The following ACLY variants were observed in gnomAD, a reference collection of about 807,000 sequenced individuals.
ACLY encodes ATP citrate lyase, also known as ATP-citrate synthase.
A neutral mutation model predicts 133.0 loss-of-function variants in ACLY; 41 were observed. The ratio of observed to expected loss-of-function variants is 0.31; its 90% confidence interval spans 0.24 to 0.40. The LOEUF is 0.40. Among genes scored for constraint, ACLY ranks in the 10% least tolerant of loss-of-function variants. The probability of loss-of-function intolerance (pLI) is 1.00; values close to 1 mark genes in which losing one functional copy is unlikely to be tolerated. For missense variants in ACLY, 1,046 were observed against 1,453.8 expected, an observed-to-expected ratio of 0.72 and a Z score of 4.56; for synonymous variants, 495 against 549.3, an observed-to-expected ratio of 0.90 and a Z score of 1.38.
chr17:41,911,015 C>A (rs1567912578), intron 3 of ACLY, among the ~76,000 whole-genome samples: 1 of 152,212 alleles, frequency 6.6e-6, no homozygotes, highest in African/African-American at 2.4e-5. Flanking sequence ...GCAGGATGTG[C>A]TCCCTGGGGA....
chr17:41,928,771 T>A (rs1197635813), intron 1 of ACLY, among the ~76,000 whole-genome samples: 2 of 150,524 alleles, frequency 1.3e-5, no homozygotes, highest in Non-Finnish European at 2.9e-5. Flanking sequence ...GAGACTAGCT[T>A]GAAACCGGGA....
intron 16 of ACLY, among the ~76,000 whole-genome samples, chr17:41,889,117 TCAAAAAA>T (rs1165316542): frequency 4.0e-5 from 6 of 151,768 alleles, no homozygotes; most frequent in African/African-American, 9.7e-5. Flanking sequence ...AAACTCTGTC[TCAAAAAA>T]CAAAAAACAA....
chr17:41,901,790 A>G lies in ACLY; in HGVS notation c.1089T>C (p.Asp363=). 6.3e-7 allele frequency: 1 copy of G among 1,593,600 alleles called. No homozygotes were observed. The highest frequency in any genetic ancestry group is 1.1e-5 in the South Asian group (1 of 88,854). The part of the protein sequence containing the change: ...TFKGIVRAIR[D]YQGPLKEHEV... ...CGTGCTCCTTCAGGGGGCCCTGGTA[A>G]TCTCGAATTGCTCTCACGATGCCCT... The change falls in exon 11 of 29, where the codon GAT becomes GAC. Residue 363 remains aspartate (D), a synonymous_variant. Transcript: ENST00000352035.
At chr17:41,926,905 G>A (rs2050250310) in intron 1 of ACLY, among the ~76,000 whole-genome samples, 1 of 151,754 alleles carries the variant, frequency 6.6e-6, no homozygotes. Context: ...TTTCACTGTT[G>A]TTGCCCAGGC....
Position 41,877,661 on chromosome 17 carries a change from T to C in ACLY, c.2487+442A>G, listed in dbSNP as rs782392944. Among the ~76,000 whole-genome samples, 31 of 152,280 alleles carry C rather than the reference T, an allele frequency of 2.0e-4. No individual in the cohort carries two copies. The Middle Eastern group carries it at 0.017, about 84-fold the overall frequency. On this transcript the variant is annotated intron_variant, in intron 22 of 28. Coordinates refer to ENST00000352035, the MANE Select transcript of ACLY (RefSeq NM_001096.3). ...GGTGTTGCTAAAAGAGATTATCATTTGAGTCAGTGGGCTGGGGAAGGCAGA... is the reference window on the plus strand; with the variant it reads ...GGTGTTGCTAAAAGAGATTATCATTCGAGTCAGTGGGCTGGGGAAGGCAGA...
chr17:41,884,006 A>G (rs1269564150), intron 19 of ACLY, among the ~76,000 whole-genome samples, 187 bp downstream of exon 19: 2 of 151,674 alleles, frequency 1.3e-5, no homozygotes, highest in African/African-American at 4.8e-5. Flanking sequence ...GAGATTAAGA[A>G]CTCCCTTCTC....
intron 13 of ACLY, among the ~76,000 whole-genome samples, chr17:41,897,288 C>T (rs1188866153): frequency 1.3e-5 from 2 of 152,034 alleles, no homozygotes; most frequent in African/African-American, 4.8e-5. Flanking sequence ...GCTTTTCTTG[C>T]TGGGGATTCA....
intron 11 of ACLY, among the ~76,000 whole-genome samples, chr17:41,899,033 G>C (rs1202372686): frequency 6.6e-6 from 1 of 152,180 alleles, no homozygotes; most frequent in Non-Finnish European, 1.5e-5. Context: ...CCAGCAATTT[G>C]GGAGGCCGAG....
At chr17:41,916,374 TTTTG>T (rs1388327357) in intron 1 of ACLY, among the ~76,000 whole-genome samples, 2 of 141,956 alleles carry the variant, frequency 1.4e-5, no homozygotes, top group Non-Finnish European at 3.1e-5. Flanking sequence ...TTTTGTTTTG[TTTTG>T]TTTTTTTTTT....
At chr17:41,921,338 G>A (rs1555635395), upstream of ACLY, among the ~76,000 whole-genome samples, 1 of 151,678 alleles carries the variant, frequency 6.6e-6, no homozygotes, top group Non-Finnish European at 1.5e-5. Context: ...ACAAAAATTA[G>A]CAGGGCATGG....
chr17:41,870,282 T>C (rs1047716134), intron 25 of ACLY: 7 of 152,288 alleles, frequency 4.6e-5, no homozygotes, highest in African/African-American at 7.2e-5. Context: ...CATGTTGTTA[T>C]ATGCTCAGGA....
intron 14 of ACLY, 100 bp downstream of exon 14, chr17:41,896,520 A>G (rs2049370322): frequency 8.9e-7 from 1 of 1,124,342 alleles, no homozygotes; most frequent in East Asian, 2.6e-5. Flanking sequence ...ACCAGACGAC[A>G]CTGCAACCCA....
At chr17:41,898,058 G>A (rs2049423509) in intron 12 of ACLY, among the ~76,000 whole-genome samples, 1 of 152,174 alleles carries the variant, frequency 6.6e-6, no homozygotes, top group Admixed American at 6.6e-5. Context: ...ACAAGGTACT[G>A]GCTAAGGTTG....
intron 24 of ACLY, 92 bp from the exon 25 acceptor site, chr17:41,871,924 A>ACACT: frequency 6.3e-7 from 1 of 1,593,568 alleles, no homozygotes; most frequent in Non-Finnish European, 8.6e-7. Context: ...GGCCCTGAGC[A>ACACT]CTGGGTTTTA....
In ACLY at chr17:41,887,715, CA is replaced by C; in HGVS notation, c.1771-13del. On this transcript the variant is annotated splice_polypyrimidine_tract_variant and intron_variant, in intron 16 of 28. Coordinates refer to ENST00000352035, the MANE Select transcript of ACLY (RefSeq NM_001096.3). Reference sequence around the variant, plus strand: ...GCGATGGTCCGGATCTAGAGGATGACAAAAGTCCCTTCCTGTTAACTCTCTG... The same window carrying C: ...GCGATGGTCCGGATCTAGAGGATGACAAAGTCCCTTCCTGTTAACTCTCTG... 6.2e-7 allele frequency: 1 copy of C among 1,611,654 alleles called. No homozygotes were observed. Among genetic ancestry groups the C allele is most frequent in the Non-Finnish European group, 8.5e-7 (1 of 1,177,968 alleles).
chr17:41,893,682 CTAGGTCAGTG>C (rs1227911781), intron 14 of ACLY, among the ~76,000 whole-genome samples: 2 of 152,196 alleles, frequency 1.3e-5, no homozygotes, highest in Non-Finnish European at 2.9e-5. Context: ...AGCATGAATT[CTAGGTCAGTG>C]TAGGTCCAAA....
chr17:41,881,930 G>A (rs2048927890), intron 20 of ACLY, among the ~76,000 whole-genome samples: 2 of 152,278 alleles, frequency 1.3e-5, no homozygotes, highest in Non-Finnish European at 2.9e-5. Context: ...AGCATTTACT[G>A]AACTCTGCCC....
chr17:41,874,922 C>A (rs1397100049), intron 22 of ACLY, among the ~76,000 whole-genome samples: 644 of 127,926 alleles, frequency 5.0e-3, no homozygotes, highest in Admixed American at 6.0e-3. Flanking sequence ...TGTGTTATAG[C>A]AAAAAAAAAA....
chr17:41,907,555 C>T lies in ACLY; in HGVS notation c.634G>A (p.Val212Ile), dbSNP rs782176931. 6.2e-7 allele frequency: 1 copy of T among 1,614,080 alleles called. No individual in the cohort carries two copies. The highest frequency in any genetic ancestry group is 1.7e-5 in the Admixed American group (1 of 60,022). ...TTGGCCGCCAAGTCAAGGACATAGACTCCATCTTTGGTCACTACTTCAAGG... is the reference window on the plus strand; with the variant it reads ...TTGGCCGCCAAGTCAAGGACATAGATTCCATCTTTGGTCACTACTTCAAGG... ...INPLVVTKDGVYVLDLAAKVD... is the reference protein window; with the variant it reads ...INPLVVTKDGIYVLDLAAKVD... Residue 212 changes from valine (V) to isoleucine (I), a missense_variant, in exon 7 of 29, where the codon GTC becomes ATC. Transcript: ENST00000352035.
Sources: allele counts gnomAD v4.1 joint callset (sites outside exome capture counted in the v4.1 genomes callset), GRCh38; gene constraint gnomAD v4.1.1; transcripts MANE v1.5; gene names NCBI Gene and HGNC (gene_info 2026-07-23, HGNC 2026-07-21).